RFLNA: variants seen among roughly 807,000 people sequenced by gnomAD.
RFLNA encodes the protein refilin-A.
In RFLNA, 5 loss-of-function variants were observed where a neutral mutation model predicts 7.8. That is an observed-to-expected ratio of 0.64 (90% CI 0.34 to 1.35). RFLNA has a LOEUF of 1.35. Ranked by LOEUF, RFLNA falls within the 40% of genes most tolerant of loss-of-function variation. RFLNA has a pLI of 0.04. For missense variants in RFLNA, 278 were observed against 305.5 expected (o/e 0.91, Z 0.67); for synonymous variants, 141 against 131.3 (o/e 1.07, Z -0.50).
chr12:124,301,138 G>A (rs898411415), intron 1 of RFLNA, among the ~76,000 whole-genome samples: 1 of 152,352 alleles, frequency 6.6e-6, no homozygotes, highest in Non-Finnish European at 1.5e-5. Flanking sequence ...CAAGGTGGGA[G>A]GGAGAAGCCT....
intron 1 of RFLNA, among the ~76,000 whole-genome samples, chr12:124,302,160 G>A (rs1261989183): frequency 6.6e-6 from 1 of 152,152 alleles, no homozygotes; most frequent in African/African-American, 2.4e-5. Flanking sequence ...ATCTTAACTT[G>A]ATCACATGTG....
intron 1 of RFLNA, among the ~76,000 whole-genome samples, chr12:124,298,684 C>T (rs2033973634): frequency 6.6e-6 from 1 of 152,364 alleles, no homozygotes; most frequent in Non-Finnish European, 1.5e-5. Context: ...ACCAGCTGAA[C>T]TATGTGTGGC....
chr12:124,299,109 A>G (rs960203652), intron 1 of RFLNA, among the ~76,000 whole-genome samples: 1 of 152,244 alleles, frequency 6.6e-6, no homozygotes, highest in South Asian at 2.1e-4. Context: ...TTTATTTTTA[A>G]AAAGCCATCA....
At chr12:124,293,606 C>T (rs1288260393), upstream of RFLNA, among the ~76,000 whole-genome samples, 2 of 152,150 alleles carry the variant, frequency 1.3e-5, no homozygotes, top group East Asian at 3.9e-4. Context: ...GTTTTTTTCC[C>T]AGAATGTTCC....
chr12:124,298,302 C>T (rs938645071), intron 1 of RFLNA, among the ~76,000 whole-genome samples: 5 of 152,112 alleles, frequency 3.3e-5, no homozygotes, highest in African/African-American at 1.2e-4. Context: ...GAGGCCCCCC[C>T]ACTTTGTTTG....
At chr12:124,299,225 G>T (rs761995619) in intron 1 of RFLNA, among the ~76,000 whole-genome samples, 3 of 152,378 alleles carry the variant, frequency 2.0e-5, no homozygotes, top group Admixed American at 6.5e-5. Context: ...ATCAGTGTAG[G>T]GCGTGTCTCC....
chr12:124,302,748 G>A (rs2034059850), intron 1 of RFLNA, among the ~76,000 whole-genome samples: 1 of 151,870 alleles, frequency 6.6e-6, no homozygotes, highest in South Asian at 2.1e-4. Flanking sequence ...GACAGCAGCA[G>A]GGGTTCTCAC....
At position 124,315,128 on chromosome 12, in the gene RFLNA, G is replaced by A. The variant is rs957492396; in HGVS notation, c.*603G>A. 8.9e-5 allele frequency: 16 copies of A among 180,746 alleles called. No homozygotes were observed. Among genetic ancestry groups the A allele is most frequent in the Non-Finnish European group, 1.8e-4 (15 of 85,258 alleles). The allele number at this position is 180,746 out of a possible 1,614,324, so 11.2% of individuals were successfully genotyped here. On this transcript the variant is annotated 3_prime_UTR_variant, in exon 3 of 3. Coordinates refer to ENST00000546355, the MANE Select transcript of RFLNA (RefSeq NM_001365156.1). ...TGAGCCAGGAGGTTGGGCAAAGGCC[G>A]GATGCTGATGCCAGCGCTGGAGGTG...
upstream of RFLNA, among the ~76,000 whole-genome samples, chr12:124,293,527 A>T (rs977697993): frequency 6.6e-6 from 1 of 152,176 alleles, no homozygotes. Context: ...ATTCTGGTCA[A>T]GTGGCCCAAG....
chr12:124,295,020 G>A (rs1435030887), upstream of RFLNA, among the ~76,000 whole-genome samples: 1 of 151,966 alleles, frequency 6.6e-6, no homozygotes, highest in Admixed American at 6.5e-5. Flanking sequence ...GTTGCCCACC[G>A]CGCAGGCCGG....
intron 2 of RFLNA, among the ~76,000 whole-genome samples, chr12:124,312,472 A>G (rs2034263288): frequency 6.6e-6 from 1 of 151,930 alleles, no homozygotes; most frequent in Non-Finnish European, 1.5e-5. Context: ...CCCCATGGCC[A>G]GCTAATTTTT....
chr12:124,298,853 T>C (rs2033976069), intron 1 of RFLNA, among the ~76,000 whole-genome samples: 1 of 152,178 alleles, frequency 6.6e-6, no homozygotes, highest in African/African-American at 2.4e-5. Flanking sequence ...TCCGAGACAA[T>C]GGCATGTGCA....
chr12:124,304,604 G>A (rs1008682378), intron 1 of RFLNA, among the ~76,000 whole-genome samples: 12 of 152,206 alleles, frequency 7.9e-5, no homozygotes, highest in East Asian at 3.9e-4. Flanking sequence ...ATGCCGGGGC[G>A]GGGGCTCTGC....
Position 124,315,483 on chromosome 12 carries a change from G to C in RFLNA, c.*958G>C, listed in dbSNP as rs1041042754. On this transcript the variant is annotated 3_prime_UTR_variant, in exon 3 of 3. Transcript: ENST00000546355. ...GAGACACTGAGGGGACCGGGCTGCC[G>C]CCCTCAGCCTGCATTCCTGTGCGCA... 6.6e-6 allele frequency: 1 copy of C among 152,246 alleles called. No individual in the cohort carries two copies. Among genetic ancestry groups the C allele is most frequent in the East Asian group, 1.9e-4 (1 of 5,192 alleles). 9.4% of individuals were successfully genotyped at this position (152,246 alleles called of 1,614,324 possible).
In RFLNA at chr12:124,314,701, T is replaced by G. The variant is rs892196621; in HGVS notation, c.*176T>G. 7.7e-6 allele frequency: 8 copies of G among 1,034,128 alleles called. No homozygotes were observed. The African/African-American group carries it at 1.3e-4, about 16-fold the overall frequency. The allele number at this position is 1,034,128 out of a possible 1,614,324, so 64.1% of individuals were successfully genotyped here. A position where few individuals can be genotyped will look rare whatever the true frequency, so the allele number is the denominator to read the frequency against. On this transcript the variant is annotated 3_prime_UTR_variant, in exon 3 of 3. Transcript: ENST00000546355. ...CCGCTGCCTGCCCTGACCTACAGGC[T>G]AGGTGGTGGTCTCCTTGTTTTGGTG...
At chr12:124,304,830 C>T (rs891190378) in intron 1 of RFLNA, among the ~76,000 whole-genome samples, 1 of 152,240 alleles carries the variant, frequency 6.6e-6, no homozygotes, top group African/African-American at 2.4e-5. Context: ...CTCTCCTCCC[C>T]TGTGGCTACA....
Position 124,289,695 on chromosome 12 carries a change from C to A in RFLNA, c.-37+325C>A, listed in dbSNP as rs922774214. ...GCGGGCTGCAGGCTCCGAGAGGACA[C>A]GGGCTAAAAATGAAGAGGTGAGTCA... On this transcript the variant is annotated intron_variant, in intron 1 of 2. Transcript: ENST00000324038. This position sits in a 1 kb window ranked among gnomAD's most constrained non-coding sequence, Gnocchi z 5.0. 6.6e-6 allele frequency among the ~76,000 whole-genome samples: 1 copy of A among 152,168 alleles called. No homozygotes were observed. Among genetic ancestry groups the A allele is most frequent in the East Asian group, 1.9e-4 (1 of 5,198 alleles).
chr12:124,298,658 C>T (rs1373848656), intron 1 of RFLNA, among the ~76,000 whole-genome samples: 1 of 152,198 alleles, frequency 6.6e-6, no homozygotes, highest in African/African-American at 2.4e-5. Context: ...GGCATCCTAG[C>T]GGAAGAGACA....
Position 124,314,919 on chromosome 12 carries a change from G to T in RFLNA, c.*394G>T. 1 of 378,404 alleles carries T rather than the reference G, an allele frequency of 2.6e-6. No homozygotes were observed. The highest frequency in any genetic ancestry group is 5.2e-6 in the Non-Finnish European group (1 of 193,016). The allele number at this position is 378,404 out of a possible 1,614,324, so 23.4% of individuals were successfully genotyped here. A position where few individuals can be genotyped will look rare whatever the true frequency, so the allele number is the denominator to read the frequency against. On this transcript the variant is annotated 3_prime_UTR_variant, in exon 3 of 3. Coordinates refer to ENST00000546355, the MANE Select transcript of RFLNA (RefSeq NM_001365156.1). ...CCAGCCTCAGCCGGTGGGGACGGCT[G>T]CCACTCCCCCAGAGCCCTGCCACCC...
Sources: gnomAD v4.1 joint callset for allele counts (sites outside exome capture counted in the v4.1 genomes callset) on GRCh38, gnomAD v4.1.1 for gene constraint, Gnocchi (gnomAD v3.1) non-coding constraint, MANE v1.5 for transcripts, NCBI Gene and HGNC (gene_info 2026-07-23, HGNC 2026-07-21) for gene names.